FOCAD: variants seen among roughly 807,000 people sequenced by gnomAD.
FOCAD encodes focadhesin.
In FOCAD, 198 loss-of-function variants were observed where a neutral mutation model predicts 225.6. The observed-to-expected ratio is 0.88, with a 90% confidence interval of 0.78 to 0.99. The LOEUF is 0.99. Among genes scored for constraint, FOCAD ranks in the 50% least tolerant of loss-of-function variants. The pLI is 0.00. For missense variants in FOCAD, 2,713 were observed against 2,123.6 expected (o/e 1.28, Z -5.46); for synonymous variants, 897 against 755.0 (o/e 1.19, Z -3.08).
chr9:20,987,366 G>A (rs1330197831), intron 40 of FOCAD, among the ~76,000 whole-genome samples: 2 of 152,094 alleles, frequency 1.3e-5, no homozygotes, highest in African/African-American at 4.8e-5. Context: ...AAATTAGCTG[G>A]TTGTGGTGGC....
intron 25 of FOCAD, among the ~76,000 whole-genome samples, chr9:20,925,121 T>G (rs1281182025): frequency 6.6e-6 from 1 of 152,110 alleles, no homozygotes; most frequent in Non-Finnish European, 1.5e-5. Flanking sequence ...ATGATATTAG[T>G]TAATTACCTT....
At chr9:20,820,266 A>T in intron 12 of FOCAD, 58 bp from the exon 13 acceptor site, 1 of 1,262,422 alleles carries the variant, frequency 7.9e-7, no homozygotes, top group Non-Finnish European at 1.1e-6. Flanking sequence ...GCTTTTGGTA[A>T]CCTCGAGGTT....
intron 15 of FOCAD, among the ~76,000 whole-genome samples, chr9:20,832,259 A>C (rs1825573159): frequency 6.6e-6 from 1 of 152,076 alleles, no homozygotes; most frequent in African/African-American, 2.4e-5. Flanking sequence ...GAGGAATGCC[A>C]TACTGTTTTC....
Position 20,896,731 on chromosome 9 carries a change from G to A in FOCAD, c.2626-10419G>A, listed in dbSNP as rs368511162. 2.8e-4 allele frequency among the ~76,000 whole-genome samples: 43 copies of A among 151,916 alleles called. 3 individuals carry two copies. In the South Asian group the frequency reaches 8.7e-3, roughly 31 times the overall value. On this transcript the variant is annotated intron_variant, in intron 21 of 43. Coordinates refer to ENST00000338382, the MANE Select transcript of FOCAD (RefSeq NM_001375567.1). ...TGATATCCCGTCTTTCACTGCTGATGTTAATTTCTAAATTTGTTGAATTTG... is the reference window on the plus strand; with the variant it reads ...TGATATCCCGTCTTTCACTGCTGATATTAATTTCTAAATTTGTTGAATTTG...
intron 15 of FOCAD, among the ~76,000 whole-genome samples, chr9:20,850,294 GTAT>G (rs1827519728): frequency 2.0e-5 from 3 of 151,592 alleles, no homozygotes; most frequent in African/African-American, 7.2e-5. Flanking sequence ...CAAAAACATT[GTAT>G]TATTTTATTT....
At chr9:20,738,114 A>T (rs1237587728) in intron 4 of FOCAD, among the ~76,000 whole-genome samples, 1 of 152,198 alleles carries the variant, frequency 6.6e-6, no homozygotes, top group Non-Finnish European at 1.5e-5. Context: ...GTTTATTTTA[A>T]AAGTTTGGAT....
At chr9:20,798,674 C>T (rs2131262865) in intron 11 of FOCAD, among the ~76,000 whole-genome samples, 1 of 152,168 alleles carries the variant, frequency 6.6e-6, no homozygotes, top group South Asian at 2.1e-4. Context: ...GTTTGTATCT[C>T]TGTGGGGTCG....
At chr9:20,857,746 A>G (rs10811416) in intron 15 of FOCAD, among the ~76,000 whole-genome samples, 120,704 of 146,698 alleles carry the variant, frequency 0.82, 49,821 homozygotes, top group Admixed American at 0.88. Context: ...TTATTGTGTT[A>G]AGGTATGTTC....
chr9:20,897,513 T>G (rs1358059346), intron 21 of FOCAD, among the ~76,000 whole-genome samples: 2 of 151,774 alleles, frequency 1.3e-5, no homozygotes, highest in Non-Finnish European at 2.9e-5. Flanking sequence ...TTTTTCTCTT[T>G]TGTTAGCATA....
rs1196877320 is a variant in FOCAD, at chr9:20,933,067, T to A, written c.3371T>A (p.Leu1124Gln). Residue 1124 changes from leucine to glutamine, a missense_variant, in exon 28 of 44, where the codon CTG (leucine) becomes CAG (glutamine). Physicochemically the swap from Leu to Gln is moderately radical, Grantham distance 113 (BLOSUM62 -2). Transcript: ENST00000338382. ...CTTCTGATGAAGTCGTTGGATGCCCTGGAAAATTGCTGCTTTGACACTAGT... is the reference window on the plus strand; with the variant it reads ...CTTCTGATGAAGTCGTTGGATGCCCAGGAAAATTGCTGCTTTGACACTAGT... ...NLLLMKSLDALENCCFDTSLE... is the reference protein window; with the variant it reads ...NLLLMKSLDAQENCCFDTSLE... The A allele has an allele frequency of 6.2e-7, 1 of 1,613,920 alleles. No homozygotes were observed. The highest frequency in any genetic ancestry group is 1.3e-5 in the African/African-American group (1 of 74,932).
rs113879978 is a variant in FOCAD at position 20,825,387 on chromosome 9, C to T, written c.1920+2272C>T. ...TTTCTAATTGATATCATGTGTGAAG[C>T]GTGATGTAGTCAAGGTTTCAAGAAG... On this transcript the variant is annotated intron_variant, in intron 15 of 43. Transcript: ENST00000338382. Among the ~76,000 whole-genome samples, 1,130 of 152,028 alleles carry T rather than the reference C, an allele frequency of 7.4e-3. 17 individuals are homozygous for T. The highest frequency in any genetic ancestry group is 0.026 in the African/African-American group (1,067 of 41,490).
At chr9:20,745,583 C>G (rs960945703) in intron 5 of FOCAD, among the ~76,000 whole-genome samples, 1 of 151,990 alleles carries the variant, frequency 6.6e-6, no homozygotes. Flanking sequence ...TTAATTTTTT[C>G]TCTGCATATT....
rs193158494 is a variant in FOCAD, at chr9:20,675,969, T to C, written c.-78+17143T>C. On this transcript the variant is annotated intron_variant, in intron 2 of 45. Transcript: ENST00000380249. The stretch of plus-strand genomic sequence containing the variant: ...ATGAATCGTCTGCGTAGAACAACTA[T>C]GGGCAAATATATTTTCAAAGATGTT... Among the ~76,000 whole-genome samples, 19 of 152,322 alleles carry C rather than the reference T, an allele frequency of 1.2e-4. No individual in the cohort carries two copies. In the East Asian group the frequency reaches 3.5e-3, roughly 28 times the overall value.
chr9:20,807,445 G>A (rs1822580570), intron 11 of FOCAD, among the ~76,000 whole-genome samples: 1 of 152,306 alleles, frequency 6.6e-6, no homozygotes, highest in East Asian at 1.9e-4. Flanking sequence ...TTTTCTGGCA[G>A]CCACATTAAA....
At chr9:20,881,783 A>C (rs142649584) in intron 19 of FOCAD, 88 bp from the exon 20 acceptor site, 194 of 1,296,114 alleles carry the variant, frequency 1.5e-4, no homozygotes, top group Middle Eastern at 2.1e-4. Flanking sequence ...AATGTAGCTT[A>C]GTTGTTTGTA....
In FOCAD at chr9:20,916,956, T is replaced by G; in HGVS notation, c.2852+19T>G. ...CTGCAAAGTAAGATCCATTTAGTCT[T>G]TTATCAAACATTTTTTATAAATACC... On this transcript the variant is annotated intron_variant, in intron 24 of 43. Transcript: ENST00000338382. 6.3e-7 allele frequency: 1 copy of G among 1,587,528 alleles called. No homozygotes were observed.
At chr9:20,723,462 C>T (rs1825950016) in intron 4 of FOCAD, among the ~76,000 whole-genome samples, 1 of 152,190 alleles carries the variant, frequency 6.6e-6, no homozygotes, top group Non-Finnish European at 1.5e-5. Context: ...CCACTGCACT[C>T]CAGCCTGGGT....
chr9:20,977,797 T>C (rs1160355169), intron 36 of FOCAD, among the ~76,000 whole-genome samples: 3 of 152,178 alleles, frequency 2.0e-5, no homozygotes, highest in Admixed American at 2.0e-4. Context: ...GAGATTTCAT[T>C]TGAAAAATGT....
At chr9:20,675,813 TACAAA>T (rs113691194) in intron 2 of FOCAD, among the ~76,000 whole-genome samples, 32,157 of 151,930 alleles carry the variant, frequency 0.21, 3,648 homozygotes, top group African/African-American at 0.31. Flanking sequence ...AATAGTCATG[TACAAA>T]ACAAGGTAGA....
Sources: gnomAD v4.1 joint callset for allele counts (sites outside exome capture counted in the v4.1 genomes callset) on GRCh38, gnomAD v4.1.1 for gene constraint, MANE v1.5 for transcripts, NCBI Gene and HGNC (gene_info 2026-07-23, HGNC 2026-07-21) for gene names.